Variants in NIPAL3 observed in about 807,000 individuals in gnomAD.
The protein encoded by NIPAL3 is NIPA like domain containing 3.
Under a neutral mutation model 47.2 loss-of-function variants are expected in NIPAL3, and 41 were observed. The ratio of observed to expected loss-of-function variants is 0.87; its 90% CI spans 0.68 to 1.13. The LOEUF (loss-of-function observed/expected upper bound fraction) is 1.13, where lower values mean the gene tolerates loss of function less well. Among genes scored for constraint, NIPAL3 ranks in the 50% most tolerant of loss-of-function variants. NIPAL3 has a pLI of 0.00. For missense variants in NIPAL3, 449 were observed against 530.1 expected (o/e 0.85, Z 1.50); for synonymous variants, 194 against 209.6 (o/e 0.93, Z 0.64).
At chr1:24,450,509 G>C (rs1211003684) in intron 6 of NIPAL3, among the ~76,000 whole-genome samples, 1 of 152,152 alleles carries the variant, frequency 6.6e-6, no homozygotes, top group Non-Finnish European at 1.5e-5. Context: ...TAAATCAACT[G>C]ATTAAGGAAA....
chr1:24,452,264 A>G (rs1298749996), intron 6 of NIPAL3, among the ~76,000 whole-genome samples: 3 of 152,194 alleles, frequency 2.0e-5, no homozygotes, highest in African/African-American at 7.2e-5. Flanking sequence ...CGGACTTGCC[A>G]TCGTCTAGTG....
chr1:24,452,739 A>G (rs1251605124), intron 6 of NIPAL3, among the ~76,000 whole-genome samples: 3 of 151,802 alleles, frequency 2.0e-5, no homozygotes, highest in Admixed American at 6.6e-5. Flanking sequence ...TTTTTTTGAG[A>G]TGGAGCCTCG....
chr1:24,445,273 T>C (rs1645604117), intron 5 of NIPAL3, 29 bp downstream of exon 5: 2 of 1,479,948 alleles, frequency 1.4e-6, no homozygotes, highest in Non-Finnish European at 1.9e-6. Context: ...GCTGTGTCCT[T>C]GATTTTATAT....
chr1:24,429,044 C>A lies in NIPAL3; in HGVS notation c.93+9404C>A, dbSNP rs78555417. 3.1e-3 allele frequency among the ~76,000 whole-genome samples: 474 copies of A among 152,160 alleles called. 1 individual carries two copies. The highest frequency in any genetic ancestry group is 4.5e-3 in the Non-Finnish European group (309 of 68,022). Reference sequence around the variant, plus strand: ...GAGGCCATCTCATCTTGGTCTCTTGCGGTAAAAATAAAATAGCAGCTACCA... The same window carrying A: ...GAGGCCATCTCATCTTGGTCTCTTGAGGTAAAAATAAAATAGCAGCTACCA... On this transcript the variant is annotated intron_variant, in intron 2 of 11. Transcript: ENST00000374399.
Position 24,460,503 on chromosome 1 carries a change from C to T in NIPAL3, c.885C>T (p.Phe295=). ...ITAGAIFYLD[F]IGEDVLHICM... The stretch of plus-strand genomic sequence containing the variant: ...CAGGTGCAATATTTTACCTGGACTT[C>T]ATCGGGGAGGACGTGCTGCACATCT... The change falls in exon 10 of 12, where the codon TTC becomes TTT. Residue 295 remains phenylalanine (F), a synonymous_variant. Coordinates refer to ENST00000374399, the MANE Select transcript of NIPAL3 (RefSeq NM_020448.5). 6.3e-7 allele frequency: 1 copy of T among 1,586,740 alleles called. No individual in the cohort carries two copies. Among genetic ancestry groups the T allele is most frequent in the Non-Finnish European group, 8.6e-7 (1 of 1,169,494 alleles).
chr1:24,440,197 C>A lies in NIPAL3; in HGVS notation c.119C>A (p.Ala40Glu). ...GAAAACCTGATTGGCGCCCTCTTGG[C>A]GATCTTCGGGCACCTCGTGGTCAGC... ...YKENLIGALLAIFGHLVVSIA... is the reference protein window; with the variant it reads ...YKENLIGALLEIFGHLVVSIA... The change falls in exon 3 of 12, where the codon GCG (alanine) becomes GAG (glutamate). Residue 40 changes from alanine (A) to glutamate (E), a missense_variant. Coordinates refer to ENST00000374399, the MANE Select transcript of NIPAL3 (RefSeq NM_020448.5). 1.3e-6 allele frequency: 2 copies of A among 1,592,934 alleles called. No individual in the cohort carries two copies. The highest frequency in any genetic ancestry group is 2.7e-5 in the African/African-American group (2 of 74,172).
At chr1:24,466,126 A>G (rs1553144185) in intron 11 of NIPAL3, 2 of 1,591,738 alleles carry the variant, frequency 1.3e-6, no homozygotes, top group East Asian at 2.3e-5. Flanking sequence ...TAAAAATGAG[A>G]TCGAGAAACA....
At chr1:24,450,143 T>C (rs1277208130) in intron 6 of NIPAL3, among the ~76,000 whole-genome samples, 2 of 152,322 alleles carry the variant, frequency 1.3e-5, no homozygotes, top group African/African-American at 4.8e-5. Flanking sequence ...ACCATTATGA[T>C]GTCAGTTTTA....
intron 4 of NIPAL3, 125 bp downstream of exon 4, chr1:24,442,351 C>T (rs752859675): frequency 9.9e-7 from 1 of 1,008,058 alleles, no homozygotes; most frequent in Non-Finnish European, 1.4e-6. Flanking sequence ...TAGCCTAATA[C>T]AAAGGGCTTC....
intron 2 of NIPAL3, among the ~76,000 whole-genome samples, chr1:24,430,496 C>T (rs993917677): frequency 6.6e-5 from 10 of 152,140 alleles, no homozygotes; most frequent in African/African-American, 1.7e-4. Flanking sequence ...GTGATCCACC[C>T]GCCTTGGCCT....
intron 11 of NIPAL3, 34 bp from the exon 12 acceptor site, chr1:24,468,952 C>T (rs757974276): frequency 7.5e-6 from 12 of 1,605,382 alleles, no homozygotes; most frequent in African/African-American, 2.7e-5. Flanking sequence ...CCCCTTACCG[C>T]GTAATGATTT....
intron 3 of NIPAL3, 67 bp from the exon 4 acceptor site, chr1:24,441,988 G>A: frequency 6.6e-7 from 1 of 1,525,420 alleles, no homozygotes; most frequent in Non-Finnish European, 9.0e-7. Context: ...TGGATTTAGG[G>A]TACCTACATC....
intron 2 of NIPAL3, among the ~76,000 whole-genome samples, chr1:24,433,538 G>C (rs770642134): frequency 6.6e-5 from 10 of 152,174 alleles, no homozygotes; most frequent in Non-Finnish European, 1.3e-4. Flanking sequence ...AAGTAGTTCA[G>C]GTCTTGTGCC....
chr1:24,433,629 G>A (rs116367078), intron 2 of NIPAL3, among the ~76,000 whole-genome samples: 3,126 of 152,248 alleles, frequency 0.021, 126 homozygotes, highest in African/African-American at 0.072. Context: ...CTTAGATTAA[G>A]TCACTTATTC....
Position 24,460,558 on chromosome 1 carries a change from T to A in NIPAL3, c.926+14T>A. 1 of 1,547,638 alleles carries A rather than the reference T, an allele frequency of 6.5e-7. No individual in the cohort carries two copies. The highest frequency in any genetic ancestry group is 8.7e-7 in the Non-Finnish European group (1 of 1,155,186). On this transcript the variant is annotated intron_variant, in intron 10 of 11. Coordinates refer to ENST00000374399, the MANE Select transcript of NIPAL3 (RefSeq NM_020448.5). ...GTTTGCACTGGGGTGAGTTCTGTCC[T>A]GCTTGCCAGCCCCAAAACATTGTGT...
At position 24,470,593 on chromosome 1, in the gene NIPAL3, C is replaced by A. The variant is rs1482185692; in HGVS notation, c.*1408C>A. ...TTCCTTTGGAAGGTTAAATACTCCC[C>A]ATAGGATCTGTGGCATTTCTCCATC... is the stretch of plus-strand genomic sequence containing the variant. On this transcript the variant is annotated 3_prime_UTR_variant, in exon 12 of 12. Coordinates refer to ENST00000374399, the MANE Select transcript of NIPAL3 (RefSeq NM_020448.5). 1 of 152,198 alleles carries A rather than the reference C, an allele frequency of 6.6e-6. No homozygotes were observed. Among genetic ancestry groups the A allele is most frequent in the African/African-American group, 2.4e-5 (1 of 41,436 alleles). The allele number at this position is 152,198 out of a possible 1,614,324, so 9.4% of individuals were successfully genotyped here. A position where few individuals can be genotyped will look rare whatever the true frequency, so the allele number is the denominator to read the frequency against.
intron 2 of NIPAL3, among the ~76,000 whole-genome samples, chr1:24,430,851 C>G (rs7530202): frequency 0.43 from 65,160 of 152,078 alleles, 15,273 homozygotes; most frequent in African/African-American, 0.64. Flanking sequence ...TATTCCTTTG[C>G]TTATGCTGTA....
chr1:24,424,465 G>A (rs1644483152), intron 2 of NIPAL3, among the ~76,000 whole-genome samples: 1 of 152,208 alleles, frequency 6.6e-6, no homozygotes, highest in Admixed American at 6.5e-5. Context: ...ACAGATGAAG[G>A]TACACAGAGT....
intron 1 of NIPAL3, among the ~76,000 whole-genome samples, chr1:24,418,584 A>C (rs1557478637): frequency 6.6e-6 from 1 of 152,176 alleles, no homozygotes; most frequent in Non-Finnish European, 1.5e-5. Context: ...TCCAGCTTGG[A>C]TGACAGAGTG....
Sources: allele counts gnomAD v4.1 joint callset (sites outside exome capture counted in the v4.1 genomes callset), GRCh38; gene constraint gnomAD v4.1.1; transcripts MANE v1.5; gene names NCBI Gene and HGNC (gene_info 2026-07-23, HGNC 2026-07-21).